Variants in SNX29 observed in about 807,000 individuals in gnomAD.
SNX29 encodes sorting nexin-29.
In SNX29, 78 loss-of-function variants were observed where a neutral mutation model predicts 102.1. The observed-to-expected ratio is 0.76, with a 90% CI of 0.64 to 0.92. The LOEUF (loss-of-function observed/expected upper bound fraction) is 0.92. Among genes scored for constraint, SNX29 ranks in the 40% least tolerant of loss-of-function variants. The pLI, the probability that SNX29 is intolerant of heterozygous loss-of-function variation, is 0.00. For missense variants in SNX29, 1,280 were observed against 1,061.7 expected (o/e 1.21, Z -2.86); for synonymous variants, 580 against 414.5 (o/e 1.40, Z -4.85).
chr16:12,252,465 A>C (rs1016929682), intron 14 of SNX29, among the ~76,000 whole-genome samples: 4 of 152,186 alleles, frequency 2.6e-5, no homozygotes, highest in Non-Finnish European at 4.4e-5. Flanking sequence ...GGGGGAACAC[A>C]CATGCTTCCT....
chr16:12,217,860 G>A (rs1255774773), intron 14 of SNX29, among the ~76,000 whole-genome samples: 1 of 152,172 alleles, frequency 6.6e-6, no homozygotes, highest in East Asian at 1.9e-4. Context: ...AAACGTGGAT[G>A]GTAACTGCCT....
chr16:12,545,993 C>T (rs10492794), intron 20 of SNX29, among the ~76,000 whole-genome samples: 33,161 of 152,044 alleles, frequency 0.22, 4,213 homozygotes, highest in African/African-American at 0.35. Context: ...GTAGTTTGAA[C>T]ACCTGGATGC....
intron 16 of SNX29, among the ~76,000 whole-genome samples, chr16:12,389,909 C>T (rs893905666): frequency 1.3e-5 from 2 of 152,232 alleles, no homozygotes; most frequent in Non-Finnish European, 2.9e-5. Context: ...TTTCCCTCAT[C>T]TGAAGCAGGA....
intron 20 of SNX29, among the ~76,000 whole-genome samples, chr16:12,540,755 T>C (rs752503791): frequency 3.1e-4 from 47 of 152,298 alleles, no homozygotes; most frequent in Non-Finnish European, 5.0e-4. Context: ...CCATTGATCT[T>C]ACCGCCACCT....
chr16:12,538,044 A>C (rs907494351), intron 20 of SNX29, among the ~76,000 whole-genome samples: 1 of 152,066 alleles, frequency 6.6e-6, no homozygotes, highest in Non-Finnish European at 1.5e-5. Context: ...TGTCCTGCTA[A>C]AGTATAATCG....
At position 12,532,454 on chromosome 16, in the gene SNX29, T is replaced by C. The variant is rs142464425; in HGVS notation, c.2318+7613T>C. On this transcript the variant is annotated intron_variant, in intron 20 of 20. Coordinates refer to ENST00000566228, the MANE Select transcript of SNX29 (RefSeq NM_032167.5). ...TTGTAAATCCTACTAAGCTCAATAT[T>C]ATTAAGCAAACAGTTTTAGATGTCT... 4.9e-3 allele frequency among the ~76,000 whole-genome samples: 741 copies of C among 152,314 alleles called. 8 individuals carry two copies. The highest frequency in any genetic ancestry group is 0.017 in the African/African-American group (711 of 41,560).
At chr16:12,470,773 A>T (rs763890740) in intron 18 of SNX29, among the ~76,000 whole-genome samples, 2 of 152,176 alleles carry the variant, frequency 1.3e-5, no homozygotes, top group Non-Finnish European at 2.9e-5. Context: ...CACATCCTAT[A>T]ATTAGCCCTA....
chr16:12,495,441 C>T (rs1399440569), intron 19 of SNX29, among the ~76,000 whole-genome samples: 3 of 152,202 alleles, frequency 2.0e-5, no homozygotes, highest in African/African-American at 7.2e-5. Context: ...AGCCACCATG[C>T]CTGGCGTCAT....
Position 12,570,219 on chromosome 16 carries a change from A to G in SNX29, c.*1590A>G, listed in dbSNP as rs1403046953. 24 of 1,065,094 alleles carry G rather than the reference A, an allele frequency of 2.3e-5. No individual in the cohort carries two copies. The highest frequency in any genetic ancestry group is 2.6e-5 in the Non-Finnish European group (23 of 879,196). 66.0% of individuals were successfully genotyped at this position (1,065,094 alleles called of 1,614,324 possible). A position where few individuals can be genotyped will look rare whatever the true frequency, so the allele number is the denominator to read the frequency against. On this transcript the variant is annotated 3_prime_UTR_variant, in exon 21 of 21. Coordinates refer to ENST00000566228, the MANE Select transcript of SNX29 (RefSeq NM_032167.5). ...GACTTCCAAGGGGACCTGGGGCCAGATAAGCCCTGCCCCGGTGAGACCAAA... is the reference window on the plus strand; with the variant it reads ...GACTTCCAAGGGGACCTGGGGCCAGGTAAGCCCTGCCCCGGTGAGACCAAA...
intron 3 of SNX29, among the ~76,000 whole-genome samples, chr16:12,008,775 T>C (rs1255547020): frequency 1.3e-5 from 2 of 150,922 alleles, no homozygotes; most frequent in Non-Finnish European, 3.0e-5. Context: ...GGAGCCTTGC[T>C]CTGTCGCACA....
chr16:12,123,582 GA>G (rs1243936934), intron 11 of SNX29, among the ~76,000 whole-genome samples: 15 of 152,044 alleles, frequency 9.9e-5, no homozygotes, highest in Admixed American at 9.2e-4. Flanking sequence ...CGTAAAAAGA[GA>G]AGGAGTCTGA....
At chr16:12,251,981 G>A (rs2078436007) in intron 14 of SNX29, among the ~76,000 whole-genome samples, 1 of 152,056 alleles carries the variant, frequency 6.6e-6, no homozygotes, top group Non-Finnish European at 1.5e-5. Flanking sequence ...GGCTGGTGTC[G>A]AACTCCTGGC....
chr16:12,121,031 G>A (rs2053950083), intron 11 of SNX29, among the ~76,000 whole-genome samples: 1 of 152,204 alleles, frequency 6.6e-6, no homozygotes. Context: ...TGAGGGTGGC[G>A]TTTTAGCAGT....
chr16:11,995,789 C>T (rs920906292), intron 1 of SNX29, among the ~76,000 whole-genome samples: 8 of 152,000 alleles, frequency 5.3e-5, no homozygotes, highest in African/African-American at 1.2e-4. Flanking sequence ...TGGCAGGGCA[C>T]GGTGGCTCAC....
intron 18 of SNX29, among the ~76,000 whole-genome samples, chr16:12,428,788 C>G (rs181610896): frequency 1.3e-5 from 2 of 151,906 alleles, no homozygotes; most frequent in Admixed American, 1.3e-4. Flanking sequence ...TACATAGATA[C>G]GATGGCAATT....
intron 19 of SNX29, among the ~76,000 whole-genome samples, chr16:12,513,443 C>T (rs779532564): frequency 2.0e-5 from 3 of 151,990 alleles, no homozygotes; most frequent in East Asian, 1.9e-4. Flanking sequence ...CTCTTCCCTG[C>T]GCTGCCTTCC....
chr16:12,571,944 G>A lies in SNX29; in HGVS notation c.*3315G>A, dbSNP rs2079196579. ...CCCTGGTGAAGGAAGACACTTTCAG[G>A]GAAGAGGCTCTTACAGTCTATGGTG... On this transcript the variant is annotated 3_prime_UTR_variant, in exon 21 of 21. Coordinates refer to ENST00000566228, the MANE Select transcript of SNX29 (RefSeq NM_032167.5). The A allele has an allele frequency of 4.7e-6, 5 of 1,061,900 alleles. No homozygotes were observed. The African/African-American group carries it at 4.9e-5, about 10-fold the overall frequency. The allele number at this position is 1,061,900 out of a possible 1,614,324, so 65.8% of individuals were successfully genotyped here.
At chr16:12,042,410 G>A (rs556019360) in intron 4 of SNX29, among the ~76,000 whole-genome samples, 22 of 152,266 alleles carry the variant, frequency 1.4e-4, no homozygotes, top group African/African-American at 4.1e-4. Flanking sequence ...TTTAGGGCAC[G>A]ATTGAACCCA....
At chr16:12,541,152 A>C (rs1233547319) in intron 20 of SNX29, among the ~76,000 whole-genome samples, 1 of 152,176 alleles carries the variant, frequency 6.6e-6, no homozygotes, top group Non-Finnish European at 1.5e-5. Flanking sequence ...TTACTACATC[A>C]TACCCAGACC....
Sources: allele counts gnomAD v4.1 joint callset (sites outside exome capture counted in the v4.1 genomes callset), GRCh38; gene constraint gnomAD v4.1.1; transcripts MANE v1.5; gene names NCBI Gene and HGNC (gene_info 2026-07-23, HGNC 2026-07-21).